Variants in MEGF11 observed in about 807,000 individuals in gnomAD.
MEGF11 encodes the protein multiple EGF like domains 11, also known as multiple epidermal growth factor-like domains protein 11.
In MEGF11, 126 loss-of-function variants were observed where a neutral mutation model predicts 146.6. The ratio of observed to expected loss-of-function variants is 0.86; its 90% confidence interval spans 0.74 to 1.00. The LOEUF is 1.00. Ranked by LOEUF, MEGF11 falls within the 50% of genes least tolerant of loss-of-function variation. The pLI is 0.00. For synonymous variants in MEGF11, 532 were observed against 583.4 expected, an observed-to-expected ratio of 0.91 and a Z score of 1.27; for missense variants, 1,509 against 1,521.2, an observed-to-expected ratio of 0.99 and a Z score of 0.13.
At chr15:66,213,160 A>G (rs1217161560) in intron 1 of MEGF11, among the ~76,000 whole-genome samples, 1 of 152,270 alleles carries the variant, frequency 6.6e-6, no homozygotes, top group African/African-American at 2.4e-5. Context: ...CTGCCACCTC[A>G]TCCTCTCCTG....
intron 17 of MEGF11, 43 bp downstream of exon 17, chr15:65,916,785 C>T: frequency 1.2e-6 from 2 of 1,605,140 alleles, no homozygotes; most frequent in Non-Finnish European, 1.7e-6. Flanking sequence ...TAGGCCGCAG[C>T]ATGGTATTCT....
chr15:66,171,438 T>C (rs556012318), intron 1 of MEGF11, among the ~76,000 whole-genome samples: 1 of 151,902 alleles, frequency 6.6e-6, no homozygotes, highest in Admixed American at 6.5e-5. Context: ...TTGCTCCAAG[T>C]ACTCTAAGAT....
At chr15:66,115,266 C>T (rs761234862) in intron 4 of MEGF11, among the ~76,000 whole-genome samples, 10 of 152,222 alleles carry the variant, frequency 6.6e-5, no homozygotes, top group Non-Finnish European at 1.0e-4. Flanking sequence ...AGAGACAAGT[C>T]GCAGGGCAGG....
At chr15:66,040,188 G>A (rs1172835059) in intron 5 of MEGF11, 1 of 154,944 alleles carries the variant, frequency 6.5e-6, no homozygotes, top group African/African-American at 2.4e-5. Flanking sequence ...AGTTGCCAAT[G>A]GCAGACAGTA....
At position 65,897,797 on chromosome 15, in the gene MEGF11, T is replaced by G. The variant is rs1359625954; in HGVS notation, c.*137A>C. On this transcript the variant is annotated 3_prime_UTR_variant, in exon 26 of 26. Coordinates refer to ENST00000395614, the MANE Select transcript of MEGF11 (RefSeq NM_001385028.1). The stretch of plus-strand genomic sequence containing the variant: ...TTATCCCAGTCCCACCTGGACGCTC[T>G]TCTTTAGTTCCAGGTGAACGTAATA... 1.2e-6 allele frequency: 1 copy of G among 837,034 alleles called. No homozygotes were observed. Among genetic ancestry groups the G allele is most frequent in the Non-Finnish European group, 1.8e-6 (1 of 557,264 alleles). 51.9% of individuals were successfully genotyped at this position (837,034 alleles called of 1,614,324 possible).
At chr15:65,991,829 C>A (rs1029461666) in intron 5 of MEGF11, among the ~76,000 whole-genome samples, 2 of 152,236 alleles carry the variant, frequency 1.3e-5, no homozygotes, top group African/African-American at 2.4e-5. Flanking sequence ...CTGACTGTAT[C>A]CATCTAGGGC....
At chr15:65,902,031 A>G (rs919280775) in intron 24 of MEGF11, 4 of 152,240 alleles carry the variant, frequency 2.6e-5, no homozygotes, top group Non-Finnish European at 5.9e-5. Flanking sequence ...GGCAAACTGT[A>G]TCTGCAGCAG....
At chr15:65,937,264 GC>G (rs1257147239) in intron 10 of MEGF11, among the ~76,000 whole-genome samples, 4 of 152,164 alleles carry the variant, frequency 2.6e-5, no homozygotes, top group Non-Finnish European at 5.9e-5. Flanking sequence ...TGGAGAAAAG[GC>G]CAGGATGAGA....
At chr15:66,086,970 GT>G (rs2086134475) in intron 5 of MEGF11, among the ~76,000 whole-genome samples, 1 of 152,206 alleles carries the variant, frequency 6.6e-6, no homozygotes, top group African/African-American at 2.4e-5. Context: ...ACTTAAAGGG[GT>G]GGGAAAAGGC....
intron 7 of MEGF11, among the ~76,000 whole-genome samples, chr15:65,979,632 G>A (rs1003437034): frequency 2.6e-5 from 4 of 152,230 alleles, no homozygotes; most frequent in Non-Finnish European, 5.9e-5. Flanking sequence ...GTAAGGGCTT[G>A]GTCTGCGAGG....
chr15:65,965,080 A>T lies in MEGF11; in HGVS notation c.940T>A (p.Cys314Ser). Residue 314 changes from cysteine to serine, a missense_variant, in exon 9 of 26, where the codon TGC (cysteine) becomes AGC (serine). Cys to Ser is a moderately radical substitution (Grantham distance 112). Coordinates refer to ENST00000395614, the MANE Select transcript of MEGF11 (RefSeq NM_001385028.1). ...ECPFGSFGFQ[C>S]SQHCDCHNGG... ...TTGTGGCAGTCACAGTGCTGTGAGC[A>T]CTGGAAGCCGAAGGACCCGAAGGGG... 6.3e-7 allele frequency: 1 copy of T among 1,597,106 alleles called. No homozygotes were observed. The highest frequency in any genetic ancestry group is 8.5e-7 in the Non-Finnish European group (1 of 1,170,632).
chr15:66,113,875 T>C (rs915089717), intron 4 of MEGF11, among the ~76,000 whole-genome samples: 1 of 148,250 alleles, frequency 6.7e-6, no homozygotes, highest in East Asian at 1.9e-4. Context: ...AGCGAAACTC[T>C]GTCTCAAAAA....
rs538256970 is a variant in MEGF11 at position 66,192,820 on chromosome 15, G to A, written c.-9+60785C>T. Among the ~76,000 whole-genome samples, 148 of 152,340 alleles carry A rather than the reference G, an allele frequency of 9.7e-4. 2 individuals are homozygous for A. The highest frequency in any genetic ancestry group is 3.2e-3 in the African/African-American group (131 of 41,582). On this transcript the variant is annotated intron_variant, in intron 1 of 25. Coordinates refer to ENST00000395614, the MANE Select transcript of MEGF11 (RefSeq NM_001385028.1). ...TAGGTAGGATCTTCTGATTCCTGGC[G>A]TGGCGCCCTTTGCACTATATCATTT... is the stretch of plus-strand genomic sequence containing the variant.
intron 1 of MEGF11, among the ~76,000 whole-genome samples, chr15:66,172,413 C>T (rs1311312895): frequency 7.1e-5 from 5 of 70,794 alleles, no homozygotes; most frequent in Admixed American, 2.7e-4. Context: ...CAGCATCAAC[C>T]GGCAGCCTTG....
rs59515211 is a variant in MEGF11, at chr15:66,055,931, T to C, written c.394+38471A>G. 8.8e-3 allele frequency among the ~76,000 whole-genome samples: 1,342 copies of C among 152,192 alleles called. 26 individuals are homozygous for C. The highest frequency in any genetic ancestry group is 0.031 in the African/African-American group (1,292 of 41,508). On this transcript the variant is annotated intron_variant, in intron 5 of 25. Transcript: ENST00000395614. ...GGAGAATGGGCTTTCTGACCATTAG[T>C]ATGACACTGGATGGAAGGCTTCGGG...
intron 5 of MEGF11, among the ~76,000 whole-genome samples, chr15:66,048,183 T>C (rs1367959667): frequency 2.6e-5 from 4 of 152,270 alleles, no homozygotes; most frequent in Non-Finnish European, 5.9e-5. Context: ...TGACCCCAAG[T>C]GATCTGCCCG....
chr15:65,957,613 G>C lies in MEGF11; in HGVS notation c.1221C>G (p.Cys407Trp). Residue 407 changes from cysteine to tryptophan, a missense_variant, in exon 10 of 26, where the codon TGC becomes TGG. Coordinates refer to ENST00000395614, the MANE Select transcript of MEGF11 (RefSeq NM_001385028.1). ...GGCAGTCGGCGCCATTCTGACAGGT[G>C]CAAGGCAGCTGGCAGCCATCGCCAT... is the stretch of plus-strand genomic sequence containing the variant. ...GYYGDGCQLP[C>W]TCQNGADCHS... 1.2e-6 allele frequency: 2 copies of C among 1,613,990 alleles called. No individual in the cohort carries two copies. Among genetic ancestry groups the C allele is most frequent in the Non-Finnish European group, 1.7e-6 (2 of 1,179,904 alleles).
At chr15:66,166,373 C>T (rs942304579) in intron 1 of MEGF11, among the ~76,000 whole-genome samples, 6 of 152,272 alleles carry the variant, frequency 3.9e-5, no homozygotes, top group African/African-American at 1.4e-4. Flanking sequence ...GACTCTGATC[C>T]ATGCACCAGC....
intron 5 of MEGF11, among the ~76,000 whole-genome samples, chr15:66,092,101 T>C (rs1042583627): frequency 3.3e-5 from 5 of 151,756 alleles, no homozygotes; most frequent in Non-Finnish European, 5.9e-5. Flanking sequence ...TGGACTTTAT[T>C]ATGAGCAAGA....
Sources: allele counts gnomAD v4.1 joint callset (sites outside exome capture counted in the v4.1 genomes callset), GRCh38; gene constraint gnomAD v4.1.1; transcripts MANE v1.5; gene names NCBI Gene and HGNC (gene_info 2026-07-23, HGNC 2026-07-21).